Variants in ZNF34 observed in about 807,000 individuals in gnomAD.
The protein encoded by ZNF34 is zinc finger protein 34 (KOX 32).
ZNF34 carries 8 observed loss-of-function variants against 14.4 expected under a neutral mutation model. The ratio of observed to expected loss-of-function variants is 0.55; its 90% CI spans 0.33 to 1.00. The LOEUF (loss-of-function observed/expected upper bound fraction) is 1.00. Among genes scored for constraint, ZNF34 ranks in the 50% least tolerant of loss-of-function variants. The pLI is 0.03. For synonymous variants in ZNF34, 235 were observed against 247.9 expected (o/e 0.95, Z 0.49); for missense variants, 538 against 674.2 (o/e 0.80, Z 2.24).
rs1275735318 is a variant in ZNF34 at position 144,772,387 on chromosome 8, C to G, written c.*879G>C. Among the ~76,000 whole-genome samples the G allele has an allele frequency of 6.6e-6, 1 of 152,130 alleles. No individual in the cohort carries two copies. On this transcript the variant is annotated 3_prime_UTR_variant, in exon 6 of 6. Coordinates refer to ENST00000429371, the MANE Select transcript of ZNF34 (RefSeq NM_001286769.2). The stretch of plus-strand genomic sequence containing the variant: ...GTAATAAAACAGTTCTGGAAATACA[C>G]AGTGATGATGGTTACACAACACCAT...
chr8:144,778,590 T>C (rs961145976), intron 2 of ZNF34, 65 bp from the exon 3 acceptor site: 13 of 1,336,562 alleles, frequency 9.7e-6, no homozygotes, highest in Admixed American at 8.0e-5. Context: ...CTCAGGCTAC[T>C]TGGTGCTGCC....
At chr8:144,784,177 A>C (rs893047886) in intron 1 of ZNF34, among the ~76,000 whole-genome samples, 3 of 151,760 alleles carry the variant, frequency 2.0e-5, no homozygotes, top group Non-Finnish European at 4.4e-5. Context: ...AAAAAAAAAA[A>C]GATTAGCTAA....
chr8:144,785,510 G>A, intron 1 of ZNF34: 1 of 152,218 alleles, frequency 6.6e-6, no homozygotes, highest in East Asian at 1.9e-4. Flanking sequence ...CAAAACTCCT[G>A]TGCTGATCAG....
intron 1 of ZNF34, among the ~76,000 whole-genome samples, chr8:144,782,678 A>T (rs1296447771): frequency 1.3e-5 from 2 of 150,830 alleles, no homozygotes; most frequent in Non-Finnish European, 3.0e-5. Context: ...CTCTACAAAA[A>T]ATACAAAAAT....
intron 3 of ZNF34, 119 bp downstream of exon 3, chr8:144,778,320 G>A: frequency 7.4e-7 from 1 of 1,354,312 alleles, no homozygotes; most frequent in Non-Finnish European, 1.0e-6. Context: ...TGGCTGCATG[G>A]GGGTCTCAGG....
chr8:144,786,943 T>A (rs993010356), intron 1 of ZNF34, among the ~76,000 whole-genome samples: 2 of 152,016 alleles, frequency 1.3e-5, no homozygotes, highest in Non-Finnish European at 2.9e-5. Context: ...CTCGGGCCGC[T>A]GGGACCAAGG....
At chr8:144,778,380 G>A in intron 3 of ZNF34, 59 bp downstream of exon 3, 1 of 1,448,234 alleles carries the variant, frequency 6.9e-7, no homozygotes, top group Non-Finnish European at 9.2e-7. Context: ...ACCTGGCAGT[G>A]TTTGCCAAGG....
At position 144,773,907 on chromosome 8, in the gene ZNF34, A is replaced by T; in HGVS notation, c.979T>A (p.Ser327Thr). The T allele has an allele frequency of 6.2e-7, 1 of 1,613,996 alleles. No homozygotes were observed. The highest frequency in any genetic ancestry group is 8.5e-7 in the Non-Finnish European group (1 of 1,180,002). The change falls in exon 6 of 6, where the codon TCT becomes ACT. Residue 327 changes from serine (S) to threonine (T), a missense_variant. By Grantham distance (58) the Ser-to-Thr change is moderately conservative (BLOSUM62 1). Transcript: ENST00000429371. The surrounding 1 kb of genome is among the most constrained non-coding windows in gnomAD (Gnocchi z 5.4). ...ATTCTCTGGTGATAAATCAGGGAAG[A>T]GTAGGCGCTAAAGTGCTTCCCACAC... ...GECGKHFSAY[S>T]SLIYHQRIHT... is the part of the protein sequence containing the mutation.
chr8:144,782,842 C>CAAAAAAAAAAAAAAAAAAAAAAAAAAAAA (rs548252812), intron 1 of ZNF34, among the ~76,000 whole-genome samples: 3 of 22,978 alleles, frequency 1.3e-4, no homozygotes, highest in African/African-American at 3.1e-4. Flanking sequence ...AAGCCTATCT[C>CAAAAAAAAAAAAAAAAAAAAAAAAAAAAA]AAAAAAAAAA....
chr8:144,778,611 C>G, intron 2 of ZNF34, 86 bp from the exon 3 acceptor site: 1 of 1,097,124 alleles, frequency 9.1e-7, no homozygotes, highest in Non-Finnish European at 1.3e-6. Flanking sequence ...ATAAACAGCC[C>G]TGCCTGCCTC....
intron 5 of ZNF34, among the ~76,000 whole-genome samples, chr8:144,776,092 T>C (rs963182315): frequency 6.6e-6 from 1 of 152,162 alleles, no homozygotes; most frequent in African/African-American, 2.4e-5. Flanking sequence ...GGCAGGCGGA[T>C]CACAAGGTCA....
At chr8:144,774,631 G>C (rs1405235150) in intron 5 of ZNF34, 26 bp from the exon 6 acceptor site, 1 of 1,587,690 alleles carries the variant, frequency 6.3e-7, no homozygotes, top group African/African-American at 1.3e-5. Flanking sequence ...GAACATCTAA[G>C]GGTCACCTGC....
rs759008126 is a variant in ZNF34 at position 144,778,137 on chromosome 8, C to A, written c.61G>T (p.Val21Leu). The change falls in exon 4 of 6, where the codon GTG becomes TTG. Residue 21 changes from valine to leucine, a missense_variant. By Grantham distance (32) the Val-to-Leu change is conservative. Coordinates refer to ENST00000429371, the MANE Select transcript of ZNF34 (RefSeq NM_001286769.2). ...CCCCATTCCTCCCGGGAGAGGTACA[C>A]AGCCACGTCCTCGAAGGTCACCTCG... ...QAEVTFEDVA[V>L]YLSREEWGRL... is the part of the protein sequence containing the mutation. The A allele has an allele frequency of 8.7e-6, 14 of 1,613,578 alleles. No individual in the cohort carries two copies. The Admixed American group carries it at 1.5e-4, about 17-fold the overall frequency.
chr8:144,773,712 G>C lies in ZNF34; in HGVS notation c.1174C>G (p.His392Asp). 6.2e-7 allele frequency: 1 copy of C among 1,614,042 alleles called. No homozygotes were observed. Among genetic ancestry groups the C allele is most frequent in the Non-Finnish European group, 8.5e-7 (1 of 1,179,946 alleles). The change falls in exon 6 of 6, where the codon CAC (histidine) becomes GAC (aspartate). Residue 392 changes from histidine (H) to aspartate (D), a missense_variant. Physicochemically the swap from His to Asp is moderately conservative, Grantham distance 81. Coordinates refer to ENST00000429371, the MANE Select transcript of ZNF34 (RefSeq NM_001286769.2). The surrounding 1 kb of genome is among the most constrained non-coding windows in gnomAD (Gnocchi z 5.4). ...CATTTATAGGGTTTCTCTCCAGTGT[G>C]AATTCTCTGATGTTGGATAAGGTTA... ...SSNLIQHQRI[H>D]TGEKPYKCNE...
chr8:144,774,474 C>T lies in ZNF34; in HGVS notation c.412G>A (p.Val138Met), dbSNP rs751145864. The stretch of plus-strand genomic sequence containing the variant: ...ACTGCCCTGGGGCCTCTCTGCTCCA[C>T]TAGCTTTTCCAGGCTCCCCTCTGAC... ...SKSEGSLEKL[V>M]EQRGPRAVTL... Residue 138 changes from valine to methionine, a missense_variant, in exon 6 of 6, where the codon GTG (valine) becomes ATG (methionine). Transcript: ENST00000429371. The T allele has an allele frequency of 9.3e-6, 15 of 1,613,906 alleles. No individual in the cohort carries two copies. Among genetic ancestry groups the T allele is most frequent in the Non-Finnish European group, 8.5e-6 (10 of 1,179,916 alleles).
rs1825227420 is a variant in ZNF34 at position 144,772,255 on chromosome 8, G to C, written c.*1011C>G. On this transcript the variant is annotated 3_prime_UTR_variant, in exon 6 of 6. Transcript: ENST00000429371. Reference sequence around the variant, plus strand: ...GATTCCACACATATTTATGTTCCTAGAATAGGCAAATTCAAAGAGACAGAA... The same window carrying C: ...GATTCCACACATATTTATGTTCCTACAATAGGCAAATTCAAAGAGACAGAA... Among the ~76,000 whole-genome samples, 1 of 152,164 alleles carries C rather than the reference G, an allele frequency of 6.6e-6. No homozygotes were observed. The highest frequency in any genetic ancestry group is 2.4e-5 in the African/African-American group (1 of 41,428).
intron 1 of ZNF34, among the ~76,000 whole-genome samples, chr8:144,781,432 A>G (rs1382911540): frequency 6.6e-6 from 1 of 151,564 alleles, no homozygotes; most frequent in Admixed American, 6.6e-5. Context: ...TTTTTTTTGT[A>G]TTTTTAGTAG....
chr8:144,780,948 G>A (rs558484121), intron 1 of ZNF34, among the ~76,000 whole-genome samples: 1 of 148,838 alleles, frequency 6.7e-6, no homozygotes, highest in Non-Finnish European at 1.5e-5. Flanking sequence ...CATCCTGGCT[G>A]ACGGTGAAAC....
At chr8:144,782,110 T>A (rs1190854353) in intron 1 of ZNF34, among the ~76,000 whole-genome samples, 1 of 150,888 alleles carries the variant, frequency 6.6e-6, no homozygotes, top group African/African-American at 2.4e-5. Flanking sequence ...GATCACGAGG[T>A]CAAGAGATCA....
Sources: gnomAD v4.1 joint callset for allele counts (sites outside exome capture counted in the v4.1 genomes callset) on GRCh38, gnomAD v4.1.1 for gene constraint, Gnocchi (gnomAD v3.1) non-coding constraint, MANE v1.5 for transcripts, NCBI Gene and HGNC (gene_info 2026-07-23, HGNC 2026-07-21) for gene names.